KCNJ8: variants seen among roughly 807,000 people sequenced by gnomAD.
The protein encoded by KCNJ8 is ATP-sensitive inward rectifier potassium channel 8.
In KCNJ8, 13 loss-of-function variants were observed where a neutral mutation model predicts 28.2. The observed-to-expected ratio is 0.46, with a 90% confidence interval of 0.30 to 0.73. KCNJ8 has a LOEUF of 0.73. Ranked by LOEUF, KCNJ8 falls within the 30% of genes least tolerant of loss-of-function variation. The probability of loss-of-function intolerance (pLI) is 0.07; values close to 1 mark genes in which losing one functional copy is unlikely to be tolerated. For synonymous variants in KCNJ8, 188 were observed against 195.9 expected, an observed-to-expected ratio of 0.96 and a Z score of 0.34; for missense variants, 284 against 542.6, an observed-to-expected ratio of 0.52 and a Z score of 4.73.
chr12:21,767,377 C>A (rs946317443), intron 2 of KCNJ8, among the ~76,000 whole-genome samples: 11 of 142,190 alleles, frequency 7.7e-5, no homozygotes, highest in Non-Finnish European at 1.5e-4. Flanking sequence ...CTAGGCCACA[C>A]AGCAGGAGGT....
In KCNJ8 at chr12:21,773,788, T is replaced by C. The variant is rs951754032; in HGVS notation, c.-70-102A>G. On this transcript the variant is annotated intron_variant, in intron 1 of 2. Transcript: ENST00000240662. The surrounding 1 kb of genome is among the most constrained non-coding windows in gnomAD (Gnocchi z 4.6). ...ATGTCTGTACATGTGCGAGGTGACA[T>C]GCAAAACCAAAAATGTGATTTTTAC... is the stretch of plus-strand genomic sequence containing the variant. 1 of 808,886 alleles carries C rather than the reference T, an allele frequency of 1.2e-6. No individual in the cohort carries two copies. The highest frequency in any genetic ancestry group is 1.7e-5 in the African/African-American group (1 of 57,700). 50.1% of individuals were successfully genotyped at this position (808,886 alleles called of 1,614,324 possible).
intron 2 of KCNJ8, among the ~76,000 whole-genome samples, chr12:21,767,420 C>T (rs1419038046): frequency 6.6e-6 from 1 of 150,696 alleles, no homozygotes; most frequent in Non-Finnish European, 1.5e-5. Context: ...ACCGCCAGAG[C>T]TCTGCCTCCA....
chr12:21,773,455 T>C lies in KCNJ8; in HGVS notation c.162A>G (p.Gly54=). 2 of 1,614,240 alleles carry C rather than the reference T, an allele frequency of 1.2e-6. No individual in the cohort carries two copies. The highest frequency in any genetic ancestry group is 2.7e-5 in the African/African-American group (2 of 75,064). The change falls in exon 2 of 3, where the codon GGA becomes GGG. Residue 54 remains glycine (G), a synonymous_variant. Transcript: ENST00000240662. The surrounding 1 kb of genome is among the most constrained non-coding windows in gnomAD (Gnocchi z 4.6). ...TGGTGAAGATGTCCTGTAGAAAGCG[T>C]CCTTGCTCACGGATGTTCTTATGCG... ...NLAHKNIREQ[G]RFLQDIFTTL...
chr12:21,767,873 C>G (rs187009706), intron 2 of KCNJ8, among the ~76,000 whole-genome samples: 1 of 152,292 alleles, frequency 6.6e-6, no homozygotes, highest in Admixed American at 6.5e-5. Context: ...CACTTTGTGT[C>G]TGTGTGTCAC....
At position 21,765,694 on chromosome 12, in the gene KCNJ8, TA is replaced by T. The variant is rs1007992550; in HGVS notation, c.*28del. 4 of 1,607,368 alleles carry T rather than the reference TA, an allele frequency of 2.5e-6. No individual in the cohort carries two copies. In the African/African-American group the frequency reaches 4.0e-5, roughly 16 times the overall value. On this transcript the variant is annotated 3_prime_UTR_variant, in exon 3 of 3. Coordinates refer to ENST00000240662, the MANE Select transcript of KCNJ8 (RefSeq NM_004982.4). ...CCCAGCATAAACCGTCAAAACTTGA[TA>T]AAAGACTGTCTTGGGGTTATCTTGC...
At chr12:21,772,015 T>C (rs1940768886) in intron 2 of KCNJ8, among the ~76,000 whole-genome samples, 1 of 152,096 alleles carries the variant, frequency 6.6e-6, no homozygotes, top group Admixed American at 6.5e-5. Context: ...TTCAATACAG[T>C]TTTTGCTGCT....
rs777196966 is a variant in KCNJ8 at position 21,766,146 on chromosome 12, G to T, written c.852C>A (p.Asp284Glu). 2.5e-6 allele frequency: 4 copies of T among 1,614,024 alleles called. No homozygotes were observed. In the African/African-American group the frequency reaches 5.3e-5, roughly 22 times the overall value. Residue 284 changes from aspartate (D) to glutamate (E), a missense_variant, in exon 3 of 3, where the codon GAC becomes GAA. Physicochemically the swap from Asp to Glu is conservative, Grantham distance 45. Coordinates refer to ENST00000240662, the MANE Select transcript of KCNJ8 (RefSeq NM_004982.4). The surrounding 1 kb of genome is among the most constrained non-coding windows in gnomAD (Gnocchi z 6.5). ...RSPLYDISAT[D>E]LANQDLEVIV... ...TGACCTCCAAGTCTTGGTTGGCCAG[G>T]TCAGTTGCTGAGATGTCATACAGGG...
intron 2 of KCNJ8, among the ~76,000 whole-genome samples, chr12:21,772,531 C>A (rs1459929972): frequency 6.6e-6 from 1 of 152,118 alleles, no homozygotes; most frequent in East Asian, 1.9e-4. Flanking sequence ...ACTATCTTGT[C>A]CCTATTCTAT....
chr12:21,773,128 TA>T lies in KCNJ8; in HGVS notation c.374+114del. ...TGTGCTTTTTTGTTTCTGAAGATTCTAAAACAAACCCTTTATTTCACTTTCA... is the reference window on the plus strand; with the variant it reads ...TGTGCTTTTTTGTTTCTGAAGATTCTAAACAAACCCTTTATTTCACTTTCA... On this transcript the variant is annotated intron_variant, in intron 2 of 2. Transcript: ENST00000240662. The surrounding 1 kb of genome is among the most constrained non-coding windows in gnomAD (Gnocchi z 4.6). 7.8e-7 allele frequency: 1 copy of T among 1,279,884 alleles called. No homozygotes were observed. The highest frequency in any genetic ancestry group is 1.1e-6 in the Non-Finnish European group (1 of 893,716). 79.3% of individuals were successfully genotyped at this position (1,279,884 alleles called of 1,614,324 possible).
intron 2 of KCNJ8, among the ~76,000 whole-genome samples, chr12:21,767,840 T>C (rs1302074090): frequency 2.0e-5 from 3 of 152,240 alleles, no homozygotes; most frequent in Non-Finnish European, 4.4e-5. Context: ...CAGTCTATTA[T>C]CACAATTTTT....
Position 21,765,012 on chromosome 12 carries a change from G to A in KCNJ8, c.*711C>T, listed in dbSNP as rs890211295. The A allele has an allele frequency of 1.6e-4, 25 of 153,174 alleles. No individual in the cohort carries two copies. The highest frequency in any genetic ancestry group is 6.0e-4 in the African/African-American group (25 of 41,570). The allele number at this position is 153,174 out of a possible 1,614,324, so 9.5% of individuals were successfully genotyped here. On this transcript the variant is annotated 3_prime_UTR_variant, in exon 3 of 3. Coordinates refer to ENST00000240662, the MANE Select transcript of KCNJ8 (RefSeq NM_004982.4). Reference sequence around the variant, plus strand: ...ACAGTATTTCCCTGTGGGGATTCTAGAAGAAGAAGTGAGATGCTGAAGGAA... The same window carrying A: ...ACAGTATTTCCCTGTGGGGATTCTAAAAGAAGAAGTGAGATGCTGAAGGAA...
chr12:21,766,781 G>A lies in KCNJ8; in HGVS notation c.375-158C>T. 1 of 672,804 alleles carries A rather than the reference G, an allele frequency of 1.5e-6. No homozygotes were observed. Among genetic ancestry groups the A allele is most frequent in the South Asian group, 1.7e-5 (1 of 59,098 alleles). 41.7% of individuals were successfully genotyped at this position (672,804 alleles called of 1,614,324 possible). A position where few individuals can be genotyped will look rare whatever the true frequency, so the allele number is the denominator to read the frequency against. The stretch of plus-strand genomic sequence containing the variant: ...TGTAAAATGCCTAATTCTAAACTGT[G>A]TTTAGAACAGTCTCTCTCTCTCTTG... On this transcript the variant is annotated intron_variant, in intron 2 of 2. Coordinates refer to ENST00000240662, the MANE Select transcript of KCNJ8 (RefSeq NM_004982.4). This position sits in a 1 kb window ranked among gnomAD's most constrained non-coding sequence, Gnocchi z 6.5.
rs1486714606 is a variant in KCNJ8, at chr12:21,766,536, C to A, written c.462G>T (p.Leu154Phe). Residue 154 changes from leucine to phenylalanine, a missense_variant, in exon 3 of 3, where the codon TTG (leucine) becomes TTT (phenylalanine). By Grantham distance (22) the Leu-to-Phe change is conservative. Transcript: ENST00000240662. This position sits in a 1 kb window ranked among gnomAD's most constrained non-coding sequence, Gnocchi z 6.5. Reference sequence around the variant, plus strand: ...TCTGGAGAATCAAAACCGTGATGGCCAAAGGGCATTCCTCTGTCATCATCC... The same window carrying A: ...TCTGGAGAATCAAAACCGTGATGGCAAAAGGGCATTCCTCTGTCATCATCC... ...GGRMMTEECP[L>F]AITVLILQNI... 5.6e-6 allele frequency: 9 copies of A among 1,611,262 alleles called. No individual in the cohort carries two copies. Among genetic ancestry groups the A allele is most frequent in the Non-Finnish European group, 7.6e-6 (9 of 1,179,840 alleles).
At position 21,765,317 on chromosome 12, in the gene KCNJ8, T is replaced by C. The variant is rs1411112248; in HGVS notation, c.*406A>G. On this transcript the variant is annotated 3_prime_UTR_variant, in exon 3 of 3. Coordinates refer to ENST00000240662, the MANE Select transcript of KCNJ8 (RefSeq NM_004982.4). Reference sequence around the variant, plus strand: ...GATTTTGTTTTTTCCCCTCCTATTCTATTTGCATTTCCAGAGTGATCATTA... The same window carrying C: ...GATTTTGTTTTTTCCCCTCCTATTCCATTTGCATTTCCAGAGTGATCATTA... The C allele has an allele frequency of 3.5e-6, 1 of 286,416 alleles. No homozygotes were observed. Among genetic ancestry groups the C allele is most frequent in the Non-Finnish European group, 6.7e-6 (1 of 148,566 alleles). 17.7% of individuals were successfully genotyped at this position (286,416 alleles called of 1,614,324 possible). A position where few individuals can be genotyped will look rare whatever the true frequency, so the allele number is the denominator to read the frequency against.
Position 21,765,175 on chromosome 12 carries a change from G to T in KCNJ8, c.*548C>A, listed in dbSNP as rs934804701. 1 of 179,224 alleles carries T rather than the reference G, an allele frequency of 5.6e-6. No homozygotes were observed. Among genetic ancestry groups the T allele is most frequent in the Non-Finnish European group, 1.2e-5 (1 of 84,452 alleles). 11.1% of individuals were successfully genotyped at this position (179,224 alleles called of 1,614,324 possible). A position where few individuals can be genotyped will look rare whatever the true frequency, so the allele number is the denominator to read the frequency against. ...TTCAGGAGTCACCGACAGACAAAGC[G>T]AATGAACTGAATCCACTTACAAACA... is the stretch of plus-strand genomic sequence containing the variant. On this transcript the variant is annotated 3_prime_UTR_variant, in exon 3 of 3. Coordinates refer to ENST00000240662, the MANE Select transcript of KCNJ8 (RefSeq NM_004982.4).
Position 21,765,755 on chromosome 12 carries a change from G to T in KCNJ8, c.1243C>A (p.Pro415Thr), listed in dbSNP as rs2137046994. Residue 415 changes from proline (P) to threonine (T), a missense_variant, in exon 3 of 3, where the codon CCA (proline) becomes ACA (threonine). Coordinates refer to ENST00000240662, the MANE Select transcript of KCNJ8 (RefSeq NM_004982.4). ...LMVPKVQFMT[P>T]EGNQNTSES Reference sequence around the variant, plus strand: ...TCCGATGTGTTTTGATTTCCTTCTGGAGTCATAAATTGCACCTTTGGTACC... The same window carrying T: ...TCCGATGTGTTTTGATTTCCTTCTGTAGTCATAAATTGCACCTTTGGTACC... 1.9e-6 allele frequency: 3 copies of T among 1,614,090 alleles called. No individual in the cohort carries two copies. The East Asian group carries it at 6.7e-5, about 36-fold the overall frequency.
At chr12:21,770,353 T>C (rs1940729882) in intron 2 of KCNJ8, among the ~76,000 whole-genome samples, 1 of 152,226 alleles carries the variant, frequency 6.6e-6, no homozygotes, top group Non-Finnish European at 1.5e-5. Context: ...GATTACAATA[T>C]AATATAAATG....
At position 21,773,554 on chromosome 12, in the gene KCNJ8, G is replaced by A. The variant is rs1388340865; in HGVS notation, c.63C>T (p.Asn21=). 6.2e-6 allele frequency: 10 copies of A among 1,614,062 alleles called. No homozygotes were observed. The highest frequency in any genetic ancestry group is 8.5e-6 in the Non-Finnish European group (10 of 1,180,056). ...EYVLARIAAE[N]LRKPRIRDRL... ...GGTCTCGGATGCGCGGCTTGCGCAG[G>A]TTCTCTGCGGCGATGCGCGCCAGCA... Residue 21 remains asparagine, a synonymous_variant, in exon 2 of 3, where the codon AAC becomes AAT. Coordinates refer to ENST00000240662, the MANE Select transcript of KCNJ8 (RefSeq NM_004982.4). The surrounding 1 kb of genome is among the most constrained non-coding windows in gnomAD (Gnocchi z 4.6).
chr12:21,767,617 ACCAGT>A (rs1239713967), intron 2 of KCNJ8, among the ~76,000 whole-genome samples: 1 of 152,108 alleles, frequency 6.6e-6, no homozygotes, highest in African/African-American at 2.4e-5. Flanking sequence ...GTTCCGCAAA[ACCAGT>A]CCCTGGCTCC....
Sources: allele counts gnomAD v4.1 joint callset (sites outside exome capture counted in the v4.1 genomes callset), GRCh38; gene constraint gnomAD v4.1.1; non-coding constraint Gnocchi (gnomAD v3.1); transcripts MANE v1.5; gene names NCBI Gene and HGNC (gene_info 2026-07-23, HGNC 2026-07-21).